The following ADGRG6 variants were observed in gnomAD, a reference collection of about 807,000 sequenced individuals.
The protein encoded by ADGRG6 is adhesion G protein-coupled receptor G6, also known as G-protein coupled receptor 126.
Under a neutral mutation model 142.4 loss-of-function variants are expected in ADGRG6, and 84 were observed. That is an observed-to-expected ratio of 0.59 (90% CI 0.49 to 0.71). ADGRG6 has a LOEUF of 0.71. Ranked by LOEUF, ADGRG6 falls within the 30% of genes least tolerant of loss-of-function variation. The pLI is 0.00. For synonymous variants in ADGRG6, 521 were observed against 520.5 expected (o/e 1.00, Z -0.01); for missense variants, 1,367 against 1,466.6 (o/e 0.93, Z 1.11).
intron 2 of ADGRG6, among the ~76,000 whole-genome samples, chr6:142,321,312 C>CACACAT (rs200417319): frequency 6.6e-6 from 1 of 150,812 alleles, no homozygotes; most frequent in African/African-American, 2.5e-5. Flanking sequence ...CACACACACA[C>CACACAT]GTGTATATAC....
At chr6:142,350,173 T>C (rs1780098783) in intron 2 of ADGRG6, among the ~76,000 whole-genome samples, 1 of 152,260 alleles carries the variant, frequency 6.6e-6, no homozygotes, top group Non-Finnish European at 1.5e-5. Flanking sequence ...ATATGTGGAA[T>C]GATAATAGCA....
chr6:142,418,229 C>T (rs1002902216), intron 21 of ADGRG6, among the ~76,000 whole-genome samples: 1 of 142,496 alleles, frequency 7.0e-6, no homozygotes, highest in African/African-American at 2.6e-5. Context: ...ATCTGGGAGG[C>T]GGAAGTTGCA....
intron 4 of ADGRG6, among the ~76,000 whole-genome samples, chr6:142,374,532 T>C (rs1781405416): frequency 6.6e-6 from 1 of 152,192 alleles, no homozygotes; most frequent in African/African-American, 2.4e-5. Context: ...GCTTCCCAGT[T>C]TACTTTAGCC....
chr6:142,368,373 C>T (rs568666951), intron 3 of ADGRG6, among the ~76,000 whole-genome samples: 1 of 152,216 alleles, frequency 6.6e-6, no homozygotes, highest in East Asian at 1.9e-4. Context: ...ATAAATAACA[C>T]AGCTTGAGGA....
chr6:142,424,965 T>G (rs1425396303), intron 22 of ADGRG6, among the ~76,000 whole-genome samples: 3 of 152,096 alleles, frequency 2.0e-5, no homozygotes, highest in African/African-American at 7.2e-5. Context: ...AAGAATAATA[T>G]TTGAGATAGT....
intron 7 of ADGRG6, among the ~76,000 whole-genome samples, chr6:142,391,894 T>A (rs2114975735): frequency 6.6e-6 from 1 of 152,040 alleles, no homozygotes; most frequent in African/African-American, 2.4e-5. Context: ...GTTATTAATC[T>A]AAATTTAGCA....
chr6:142,417,165 G>A (rs1373798632), intron 20 of ADGRG6, 108 bp from the exon 21 acceptor site: 2 of 737,218 alleles, frequency 2.7e-6, no homozygotes, highest in Non-Finnish European at 4.9e-6. Flanking sequence ...ATGTTGGCTT[G>A]CTTGCATTTC....
chr6:142,420,210 C>T (rs939249078), intron 22 of ADGRG6, 106 bp downstream of exon 22: 2 of 841,184 alleles, frequency 2.4e-6, no homozygotes, highest in East Asian at 4.9e-5. Flanking sequence ...GTCACTATTT[C>T]AAGTGCTGAA....
chr6:142,348,253 C>G (rs894289437), intron 2 of ADGRG6, among the ~76,000 whole-genome samples: 1 of 152,072 alleles, frequency 6.6e-6, no homozygotes, highest in African/African-American at 2.4e-5. Flanking sequence ...ATTTGTTAAT[C>G]CCTCCAGAGA....
intron 21 of ADGRG6, among the ~76,000 whole-genome samples, chr6:142,419,250 A>G (rs987993647): frequency 4.6e-5 from 7 of 152,188 alleles, no homozygotes; most frequent in Non-Finnish European, 8.8e-5. Context: ...ACAACTCTGC[A>G]GCAGGCTTGA....
intron 2 of ADGRG6, among the ~76,000 whole-genome samples, chr6:142,333,441 A>G (rs1016966751): frequency 6.6e-6 from 1 of 152,166 alleles, no homozygotes; most frequent in Non-Finnish European, 1.5e-5. Flanking sequence ...TCTTATTGAT[A>G]TTAATGTGTG....
At chr6:142,410,133 T>G (rs1389915139) in intron 17 of ADGRG6, among the ~76,000 whole-genome samples, 2 of 152,102 alleles carry the variant, frequency 1.3e-5, no homozygotes, top group East Asian at 3.8e-4. Flanking sequence ...ATAGGCAGAC[T>G]TCACTGTGTT....
chr6:142,331,723 T>C (rs1023406078), intron 2 of ADGRG6, among the ~76,000 whole-genome samples: 1 of 152,172 alleles, frequency 6.6e-6, no homozygotes, highest in African/African-American at 2.4e-5. Flanking sequence ...CTGTTTTTTT[T>C]GTAAACGCTC....
chr6:142,326,998 A>G lies in ADGRG6; in HGVS notation c.103+17354A>G, dbSNP rs558834449. On this transcript the variant is annotated intron_variant, in intron 2 of 24. Coordinates refer to ENST00000367609, the MANE Select transcript of ADGRG6 (RefSeq NM_198569.3). ...TTAGTACATGATTTAATGATTTAGT[A>G]CCAAATCATGGGTATTGTGAAAGTA... Among the ~76,000 whole-genome samples the G allele has an allele frequency of 3.9e-4, 59 of 152,240 alleles. 3 individuals are homozygous for G. The South Asian group carries it at 0.012, about 31-fold the overall frequency.
chr6:142,406,996 A>G (rs551804775), intron 15 of ADGRG6, among the ~76,000 whole-genome samples: 8 of 151,932 alleles, frequency 5.3e-5, no homozygotes, highest in Non-Finnish European at 1.0e-4. Flanking sequence ...TCTCCATATC[A>G]TTGTTTCCTT....
At chr6:142,354,424 A>G (rs1176782767) in intron 2 of ADGRG6, among the ~76,000 whole-genome samples, 2 of 152,156 alleles carry the variant, frequency 1.3e-5, no homozygotes, top group Non-Finnish European at 2.9e-5. Context: ...TTTGAGTTTT[A>G]ATGGCCAAAT....
intron 1 of ADGRG6, among the ~76,000 whole-genome samples, chr6:142,303,617 A>G (rs1777335461): frequency 6.6e-6 from 1 of 152,244 alleles, no homozygotes; most frequent in Admixed American, 6.5e-5. Context: ...GCATTTTCAT[A>G]TAAGACTTGT....
intron 16 of ADGRG6, 82 bp downstream of exon 16, chr6:142,408,351 A>C (rs1775920323): frequency 9.4e-7 from 1 of 1,058,236 alleles, no homozygotes; most frequent in South Asian, 1.9e-5. Context: ...ACATGTTAAA[A>C]AGTAACTGAC....
intron 6 of ADGRG6, among the ~76,000 whole-genome samples, chr6:142,388,730 G>T (rs1379287580): frequency 6.6e-6 from 1 of 151,910 alleles, no homozygotes; most frequent in Non-Finnish European, 1.5e-5. Context: ...TGGTCATATG[G>T]GTACTAGAAG....
Sources: gnomAD v4.1 joint callset for allele counts (sites outside exome capture counted in the v4.1 genomes callset) on GRCh38, gnomAD v4.1.1 for gene constraint, MANE v1.5 for transcripts, NCBI Gene and HGNC (gene_info 2026-07-23, HGNC 2026-07-21) for gene names.